The following CLEC7A variants were observed in gnomAD, a reference collection of about 807,000 sequenced individuals.
The protein encoded by CLEC7A is C-type lectin domain family 7 member A.
Under a neutral mutation model 26.9 loss-of-function variants are expected in CLEC7A, and 25 were observed. The observed-to-expected ratio is 0.93, with a 90% CI of 0.68 to 1.30. The LOEUF (loss-of-function observed/expected upper bound fraction) is 1.30. Among genes scored for constraint, CLEC7A ranks in the 50% most tolerant of loss-of-function variants. CLEC7A has a pLI of 0.00. For synonymous variants in CLEC7A, 100 were observed against 99.5 expected (o/e 1.01, Z -0.03); for missense variants, 275 against 286.7 (o/e 0.96, Z 0.29).
chr12:10,128,986 T>A (rs1948401565), intron 1 of CLEC7A, among the ~76,000 whole-genome samples: 1 of 152,216 alleles, frequency 6.6e-6, no homozygotes. Context: ...TATTTCTGCT[T>A]TCCACTGTGA....
Position 10,127,751 on chromosome 12 carries a change from G to T in CLEC7A, c.198C>A (p.Thr66=). 1 of 1,580,248 alleles carries T rather than the reference G, an allele frequency of 6.3e-7. No homozygotes were observed. The highest frequency in any genetic ancestry group is 8.6e-7 in the Non-Finnish European group (1 of 1,158,664). ...VILVIAVVLG[T]MAIWRSNSGS... is the part of the protein sequence containing the mutation. ...TCTCCTCCACCAAATACTCACCCAT[G>T]GTACCCAGGACCACAGCTATCACCA... Residue 66 remains threonine (T), a synonymous_variant, in exon 2 of 6, where the codon ACC becomes ACA. Coordinates refer to ENST00000304084, the MANE Select transcript of CLEC7A (RefSeq NM_197947.3).
At chr12:10,124,127 T>G (rs189191621) in intron 4 of CLEC7A, among the ~76,000 whole-genome samples, 50 of 152,384 alleles carry the variant, frequency 3.3e-4, no homozygotes, top group African/African-American at 1.1e-3. Context: ...AATCTGAGGT[T>G]CAGTGAAGAT....
At chr12:10,125,077 G>A (rs1439531658) in intron 4 of CLEC7A, 1 of 607,040 alleles carries the variant, frequency 1.6e-6, no homozygotes, top group Admixed American at 2.6e-5. Flanking sequence ...GGTGCACCCT[G>A]TAGTCCTACC....
intron 1 of CLEC7A, among the ~76,000 whole-genome samples, chr12:10,128,315 C>A (rs1013259868): frequency 6.6e-6 from 1 of 151,854 alleles, no homozygotes; most frequent in South Asian, 2.1e-4. Flanking sequence ...CCTAGGTTAC[C>A]TGGTCACCTA....
intron 1 of CLEC7A, among the ~76,000 whole-genome samples, chr12:10,128,975 G>A (rs1948401442): frequency 6.6e-6 from 1 of 152,154 alleles, no homozygotes; most frequent in Non-Finnish European, 1.5e-5. Context: ...TAACCAGAAT[G>A]TATTTCTGCT....
intron 5 of CLEC7A, 54 bp from the exon 6 acceptor site, chr12:10,118,644 C>A: frequency 6.9e-7 from 1 of 1,441,764 alleles, no homozygotes; most frequent in South Asian, 1.2e-5. Flanking sequence ...GGAATACTGT[C>A]TACATGGCGC....
At chr12:10,119,654 A>G (rs1948015495) in intron 5 of CLEC7A, among the ~76,000 whole-genome samples, 1 of 152,202 alleles carries the variant, frequency 6.6e-6, no homozygotes, top group African/African-American at 2.4e-5. Flanking sequence ...TAAAACAGTT[A>G]AGTGATTATG....
chr12:10,128,897 G>A (rs1402620956), intron 1 of CLEC7A, among the ~76,000 whole-genome samples: 1 of 152,206 alleles, frequency 6.6e-6, no homozygotes, highest in East Asian at 1.9e-4. Context: ...AAACTCTGGT[G>A]TCAAAACCGA....
At chr12:10,126,496 C>T (rs1948287916) in intron 3 of CLEC7A, 75 bp downstream of exon 3, 7 of 1,486,188 alleles carry the variant, frequency 4.7e-6, no homozygotes, top group Non-Finnish European at 4.5e-6. Context: ...TTTTTCTTTA[C>T]ACCCCTGCCC....
intron 5 of CLEC7A, 85 bp downstream of exon 5, chr12:10,123,160 C>T (rs1948150530): frequency 1.2e-6 from 1 of 820,896 alleles, no homozygotes; most frequent in African/African-American, 1.7e-5. Flanking sequence ...AAATCAGGTT[C>T]TTAGCTGCTC....
intron 1 of CLEC7A, 29 bp from the exon 2 acceptor site, chr12:10,127,874 A>G: frequency 7.0e-7 from 1 of 1,420,184 alleles, no homozygotes; most frequent in Non-Finnish European, 9.6e-7. Context: ...CAGAAATGGA[A>G]TAAAGAAAGA....
At chr12:10,129,310 T>G (rs1479473931) in intron 1 of CLEC7A, among the ~76,000 whole-genome samples, 2 of 152,220 alleles carry the variant, frequency 1.3e-5, no homozygotes, top group African/African-American at 2.4e-5. Flanking sequence ...TAATCTAGCC[T>G]TTCTATCAAA....
intron 4 of CLEC7A, among the ~76,000 whole-genome samples, chr12:10,123,588 C>T (rs1263675210): frequency 3.4e-5 from 5 of 148,434 alleles, no homozygotes; most frequent in African/African-American, 1.0e-4. Flanking sequence ...GGTGAAACCC[C>T]GTCTCTACTA....
At chr12:10,128,974 T>A (rs1329400808) in intron 1 of CLEC7A, among the ~76,000 whole-genome samples, 2 of 152,198 alleles carry the variant, frequency 1.3e-5, no homozygotes, top group African/African-American at 4.8e-5. Flanking sequence ...ATAACCAGAA[T>A]GTATTTCTGC....
At chr12:10,123,633 C>T (rs972900984) in intron 4 of CLEC7A, among the ~76,000 whole-genome samples, 2 of 142,362 alleles carry the variant, frequency 1.4e-5, no homozygotes, top group Non-Finnish European at 1.5e-5. Flanking sequence ...CGGTGGCGGG[C>T]GCCTGTGGTC....
At chr12:10,118,656 C>A in intron 5 of CLEC7A, 66 bp from the exon 6 acceptor site, 1 of 1,346,328 alleles carries the variant, frequency 7.4e-7, no homozygotes, top group African/African-American at 1.5e-5. Context: ...ACATGGCGCA[C>A]AAATAAATTA....
At position 10,126,657 on chromosome 12, in the gene CLEC7A, AG is replaced by A; in HGVS notation, c.253del (p.Leu85TyrfsTer16). 6.2e-7 allele frequency: 1 copy of A among 1,613,044 alleles called. No individual in the cohort carries two copies. The highest frequency in any genetic ancestry group is 8.5e-7 in the Non-Finnish European group (1 of 1,179,580). On this transcript the variant is annotated frameshift_variant, in exon 3 of 6. Transcript: ENST00000304084. LOFTEE classifies it high-confidence loss of function. ...GSNTLENGYF[L>X]SRNKENHSQP... ...ACTGTGGTTCTCTTTATTTCTTGAT[AG>A]AAAGTAGCCATTCTCCAATGTGTTG...
At chr12:10,124,947 C>T in intron 4 of CLEC7A, 1 of 224,954 alleles carries the variant, frequency 4.4e-6, no homozygotes, top group South Asian at 6.3e-5. Context: ...ACCTGTAATC[C>T]CAACACTGGG....
In CLEC7A at chr12:10,123,057, C is replaced by A. The variant is rs1334723574; in HGVS notation, c.611+188G>T. On this transcript the variant is annotated intron_variant, in intron 5 of 5. Coordinates refer to ENST00000304084, the MANE Select transcript of CLEC7A (RefSeq NM_197947.3). ...TACTAGATGGCCTCACTCTTTTTCA[C>A]TCTAAGGTCCTCCTCATCTTTCTCC... 3.3e-5 allele frequency among the ~76,000 whole-genome samples: 5 copies of A among 152,180 alleles called. No individual in the cohort carries two copies. In the South Asian group the frequency reaches 8.3e-4, roughly 25 times the overall value.
Sources: gnomAD v4.1 joint callset for allele counts (sites outside exome capture counted in the v4.1 genomes callset) on GRCh38, gnomAD v4.1.1 for gene constraint, MANE v1.5 for transcripts, NCBI Gene and HGNC (gene_info 2026-07-23, HGNC 2026-07-21) for gene names.